Variants in SLC35D1 observed in about 807,000 individuals in gnomAD.
The protein encoded by SLC35D1 is nucleotide sugar transporter SLC35D1.
In SLC35D1, 31 loss-of-function variants were observed where a neutral mutation model predicts 46.7. The ratio of observed to expected loss-of-function variants is 0.66; its 90% CI spans 0.50 to 0.90. The LOEUF (loss-of-function observed/expected upper bound fraction) is 0.90, where lower values mean the gene tolerates loss of function less well. Ranked by LOEUF, SLC35D1 falls within the 40% of genes least tolerant of loss-of-function variation. The pLI is 0.00. For missense variants in SLC35D1, 397 were observed against 426.2 expected (o/e 0.93, Z 0.60); for synonymous variants, 195 against 164.6 (o/e 1.18, Z -1.41).
downstream of SLC35D1, among the ~76,000 whole-genome samples, chr1:66,995,587 G>C (rs1401671997): frequency 6.6e-6 from 1 of 151,854 alleles, no homozygotes; most frequent in African/African-American, 2.4e-5. Flanking sequence ...ATTTCAGATA[G>C]GCTGGTCAAG....
At chr1:66,980,732 T>C in the SLC35D1 span, among the ~76,000 whole-genome samples, 1 of 152,092 alleles carries the variant, frequency 6.6e-6, no homozygotes, top group Non-Finnish European at 1.5e-5. Context: ...ACAACTTAGG[T>C]ACCAGTGGTG....
At chr1:67,046,850 G>T (rs1230220099) in intron 7 of SLC35D1, among the ~76,000 whole-genome samples, 1 of 152,122 alleles carries the variant, frequency 6.6e-6, no homozygotes, top group Non-Finnish European at 1.5e-5. Flanking sequence ...TATTTATAGG[G>T]CAAATACATA....
At position 67,047,334 on chromosome 1, in the gene SLC35D1, A is replaced by T; in HGVS notation, c.567T>A (p.Ala189=). ...SDLAFDLEGY[A]FILINDVLTA... ...TTAGGACATCGTTTATCAGAATAAA[A>T]GCATATCCTTCCAGATCAAATGCCA... Residue 189 remains alanine (A), a synonymous_variant, in exon 7 of 12, where the codon GCT becomes GCA. Coordinates refer to ENST00000235345, the MANE Select transcript of SLC35D1 (RefSeq NM_015139.3). 6.2e-7 allele frequency: 1 copy of T among 1,613,422 alleles called. No homozygotes were observed. The highest frequency in any genetic ancestry group is 8.5e-7 in the Non-Finnish European group (1 of 1,179,908).
chr1:67,012,584 A>G (rs1210623975), intron 10 of SLC35D1, among the ~76,000 whole-genome samples: 1 of 145,212 alleles, frequency 6.9e-6, no homozygotes. Context: ...GAGATTTCTT[A>G]TTCTAAACAA....
At position 67,019,818 on chromosome 1, in the gene SLC35D1, A is replaced by T. The variant is rs112447677; in HGVS notation, c.876+551T>A. Among the ~76,000 whole-genome samples, 567 of 152,352 alleles carry T rather than the reference A, an allele frequency of 3.7e-3. 6 individuals are homozygous for T. Among genetic ancestry groups the T allele is most frequent in the African/African-American group, 0.012 (483 of 41,584 alleles). ...GCTTCAAGCCACCAACTTTAGCTCA[A>T]TATTCAAGTCAACTTGGCTCTCCTG... is the stretch of plus-strand genomic sequence containing the variant. On this transcript the variant is annotated intron_variant, in intron 10 of 11. Transcript: ENST00000235345.
At chr1:67,049,713 A>G (rs1423067174) in intron 6 of SLC35D1, 69 bp downstream of exon 6, 2 of 1,368,088 alleles carry the variant, frequency 1.5e-6, no homozygotes, top group African/African-American at 2.9e-5. Context: ...ATTGTTATTG[A>G]TAAGCAATCA....
Position 67,049,806 on chromosome 1 carries a change from A to G in SLC35D1, c.509T>C (p.Ile170Thr), listed in dbSNP as rs1645288411. ...CCTGGCAGCTACAAAGGCTCCAATA[A>G]TCATTGCAAATACAGTCATTTTAAT... Reference protein sequence around the residue: ...WGIKMTVFAMIIGAFVAASSD... With the variant: ...WGIKMTVFAMTIGAFVAASSD... Residue 170 changes from isoleucine to threonine, a missense_variant, in exon 6 of 12, where the codon ATT becomes ACT. Coordinates refer to ENST00000235345, the MANE Select transcript of SLC35D1 (RefSeq NM_015139.3). 1 of 1,613,896 alleles carries G rather than the reference A, an allele frequency of 6.2e-7. No individual in the cohort carries two copies. The highest frequency in any genetic ancestry group is 1.3e-5 in the African/African-American group (1 of 75,034).
At chr1:67,016,782 T>C (rs992543160) in intron 10 of SLC35D1, among the ~76,000 whole-genome samples, 6 of 152,166 alleles carry the variant, frequency 3.9e-5, no homozygotes, top group African/African-American at 1.4e-4. Context: ...TTCTTTGTAA[T>C]AGGACACAGA....
At chr1:66,995,538 G>C (rs1042306938), downstream of SLC35D1, among the ~76,000 whole-genome samples, 1 of 148,546 alleles carries the variant, frequency 6.7e-6, no homozygotes, top group African/African-American at 2.5e-5. Flanking sequence ...TGAAATAAGG[G>C]AGAGAAGAGA....
chr1:67,008,381 C>A (rs1252239010), intron 11 of SLC35D1: 2 of 1,282,038 alleles, frequency 1.6e-6, no homozygotes, highest in Non-Finnish European at 1.0e-6. Context: ...TTGTGATCTG[C>A]CCGCCTCAGC....
At chr1:67,021,238 A>G (rs1667791767) in intron 9 of SLC35D1, among the ~76,000 whole-genome samples, 1 of 152,222 alleles carries the variant, frequency 6.6e-6, no homozygotes, top group African/African-American at 2.4e-5. Context: ...CTAAAGTTCT[A>G]TCTGTCAAAT....
At chr1:67,030,081 G>C (rs147663835) in intron 8 of SLC35D1, among the ~76,000 whole-genome samples, 178 of 151,422 alleles carry the variant, frequency 1.2e-3, no homozygotes, top group African/African-American at 4.0e-3. Context: ...GAAAGGTTAC[G>C]CATACCCTGC....
the SLC35D1 span, among the ~76,000 whole-genome samples, chr1:66,973,885 G>C: frequency 6.6e-6 from 1 of 152,026 alleles, no homozygotes. Flanking sequence ...GCTTGTCCAG[G>C]ACCTTGTTGA....
chr1:66,979,993 A>G, the SLC35D1 span, among the ~76,000 whole-genome samples: 2 of 151,752 alleles, frequency 1.3e-5, no homozygotes, highest in East Asian at 1.9e-4. Context: ...CAAACTCCCA[A>G]CCTCAGGTGA....
the SLC35D1 span, chr1:66,988,170 A>G: frequency 6.6e-6 from 1 of 152,316 alleles, no homozygotes; most frequent in Non-Finnish European, 1.5e-5. Flanking sequence ...TATAATCCAT[A>G]TTCATGAAAA....
At position 67,002,666 on chromosome 1, in the gene SLC35D1, T is replaced by G. The variant is rs1030603500; in HGVS notation, c.*1674A>C. ...AGGGACACAGCACCACCAGCCAAGC[T>G]TTAGTAAAGACAAACCAAAAGACAG... On this transcript the variant is annotated 3_prime_UTR_variant, in exon 12 of 12. Transcript: ENST00000235345. 7.9e-5 allele frequency: 12 copies of G among 152,314 alleles called. No individual in the cohort carries two copies. Among genetic ancestry groups the G allele is most frequent in the African/African-American group, 2.9e-4 (12 of 41,436 alleles). The allele number at this position is 152,314 out of a possible 1,614,324, so 9.4% of individuals were successfully genotyped here. A position where few individuals can be genotyped will look rare whatever the true frequency, so the allele number is the denominator to read the frequency against.
chr1:66,974,347 C>T, the SLC35D1 span, among the ~76,000 whole-genome samples: 1 of 151,848 alleles, frequency 6.6e-6, no homozygotes, highest in Non-Finnish European at 1.5e-5. Flanking sequence ...CATTATGTGA[C>T]TGGCCGTGTA....
the SLC35D1 span, among the ~76,000 whole-genome samples, chr1:66,982,561 T>G: frequency 4.4e-4 from 67 of 152,332 alleles, no homozygotes; most frequent in Non-Finnish European, 6.8e-4. Flanking sequence ...TGATTTCTTC[T>G]TTGATTAAAT....
chr1:67,014,920 A>G (rs1667650559), intron 10 of SLC35D1, among the ~76,000 whole-genome samples: 1 of 150,888 alleles, frequency 6.6e-6, no homozygotes, highest in African/African-American at 2.4e-5. Flanking sequence ...CTAAGGATTA[A>G]CTCCTCCAGG....
Sources: gnomAD v4.1 joint callset for allele counts (sites outside exome capture counted in the v4.1 genomes callset) on GRCh38, gnomAD v4.1.1 for gene constraint, MANE v1.5 for transcripts, NCBI Gene and HGNC (gene_info 2026-07-23, HGNC 2026-07-21) for gene names.